Variants in PIN4 observed in about 807,000 individuals in gnomAD.
The protein encoded by PIN4 is peptidyl-prolyl cis-trans isomerase NIMA-interacting 4.
In PIN4, 3 loss-of-function variants were observed where a neutral mutation model predicts 8.3. The observed-to-expected ratio is 0.36, with a 90% CI of 0.16 to 0.93. PIN4 has a LOEUF of 0.93. PIN4 is among the 40% of genes least tolerant of loss of function. PIN4 has a pLI of 0.44. For synonymous variants in PIN4, 18 were observed against 32.5 expected, an observed-to-expected ratio of 0.55 and a Z score of 1.52; for missense variants, 75 against 100.6, an observed-to-expected ratio of 0.75 and a Z score of 1.09.
chrX:72,219,457 G>A (rs915309397), intron 3 of PIN4, among the ~76,000 whole-genome samples: 2 of 109,949 alleles, frequency 1.8e-5, no homozygotes, highest in Non-Finnish European at 3.8e-5. Flanking sequence ...AGGAGGCAGA[G>A]GCAGGAGAAT....
chrX:72,262,342 C>T (rs1392051474), intron 3 of PIN4, among the ~76,000 whole-genome samples: 3 of 112,165 alleles, frequency 2.7e-5, no homozygotes, highest in Non-Finnish European at 5.6e-5. Flanking sequence ...GGTCTGAGGC[C>T]CCGAGCCAAA....
At chrX:72,226,791 G>T (rs1017472954) in intron 3 of PIN4, among the ~76,000 whole-genome samples, 1 of 111,174 alleles carries the variant, frequency 9.0e-6, no homozygotes, top group Admixed American at 9.6e-5. Context: ...TCACAGCGGG[G>T]GCACAAGTCA....
chrX:72,249,897 T>A (rs1406262446), intron 3 of PIN4, among the ~76,000 whole-genome samples: 1 of 111,070 alleles, frequency 9.0e-6, no homozygotes, highest in Admixed American at 9.7e-5. Flanking sequence ...GTGGGTAAAT[T>A]ATGCCTAAAT....
chrX:72,210,243 AAATG>A (rs1382909074), intron 3 of PIN4, among the ~76,000 whole-genome samples: 11 of 106,753 alleles, frequency 1.0e-4, no homozygotes, highest in Non-Finnish European at 1.7e-4. Context: ...ATAAATAAAT[AAATG>A]GAAAAAAGAT....
intron 3 of PIN4, among the ~76,000 whole-genome samples, chrX:72,219,554 TATAA>T (rs980835074): frequency 2.9e-4 from 28 of 97,872 alleles, no homozygotes; most frequent in African/African-American, 9.8e-4. Context: ...CCTCAAAAAA[TATAA>T]ATAAATAGAC....
At chrX:72,223,585 C>T (rs755758991) in intron 3 of PIN4, among the ~76,000 whole-genome samples, 31 of 109,991 alleles carry the variant, frequency 2.8e-4, no homozygotes, top group South Asian at 1.2e-3. Context: ...GACGGGGTTT[C>T]GCCATGTTGG....
intron 3 of PIN4, among the ~76,000 whole-genome samples, chrX:72,241,253 G>T (rs926753372): frequency 9.0e-6 from 1 of 111,457 alleles, no homozygotes; most frequent in Non-Finnish European, 1.9e-5. Context: ...ATTGAGAGGC[G>T]GGGCCTTTTA....
intron 1 of PIN4, 34 bp from the exon 2 acceptor site, chrX:72,186,427 G>A: frequency 9.9e-7 from 1 of 1,012,908 alleles, no homozygotes; most frequent in Non-Finnish European, 1.4e-6. Context: ...TGGAGGTGCA[G>A]TTTAAATGAG....
In PIN4 at chrX:72,253,357, G is replaced by A. The variant is rs182395364; in HGVS notation, c.313-9350G>A. On this transcript the variant is annotated intron_variant, in intron 3 of 3. Transcript: ENST00000423432. ...ATTAGAAAATCAGGCCGGGCACGGT[G>A]GCTCACGCCTGTAATCCCAGCACTT... Among the ~76,000 whole-genome samples, 355 of 112,509 alleles carry A rather than the reference G, an allele frequency of 3.2e-3. 3 individuals are homozygous for A. The highest frequency in any genetic ancestry group is 0.01 in the African/African-American group (318 of 31,007).
At chrX:72,237,603 G>GAAAAAA (rs60931189) in intron 3 of PIN4, among the ~76,000 whole-genome samples, 5 of 91,037 alleles carry the variant, frequency 5.5e-5, no homozygotes, top group Non-Finnish European at 1.1e-4. Flanking sequence ...ATCAAAAAAA[G>GAAAAAA]AAAAAAAAAA....
intron 3 of PIN4, among the ~76,000 whole-genome samples, chrX:72,249,148 A>G (rs189528039): frequency 8.9e-6 from 1 of 112,581 alleles, no homozygotes; most frequent in Admixed American, 9.4e-5. Context: ...TATGAGCAAA[A>G]GAGTGGAACA....
chrX:72,186,253 G>A, intron 1 of PIN4: 1 of 468,968 alleles, frequency 2.1e-6, no homozygotes. Flanking sequence ...TATCATTAGT[G>A]TTAGCGTATT....
intron 3 of PIN4, among the ~76,000 whole-genome samples, chrX:72,248,291 GA>G (rs55908553): frequency 2.4e-4 from 13 of 54,900 alleles, no homozygotes; most frequent in African/African-American, 6.1e-4. Flanking sequence ...GCTCCATCCA[GA>G]AAAAAAAAAA....
intron 3 of PIN4, among the ~76,000 whole-genome samples, chrX:72,261,337 C>T (rs765461433): frequency 1.8e-5 from 2 of 109,441 alleles, no homozygotes; most frequent in Non-Finnish European, 1.9e-5. Context: ...GTGTCGACCC[C>T]CCTGTCCAGA....
Position 72,236,000 on chromosome X carries a change from G to A in PIN4, c.313-26707G>A, listed in dbSNP as rs542095206. ...AACTTCAAACTATGTAAGGAGAGAA[G>A]TGAGAACCTGAGGGGTGTGCAACAG... On this transcript the variant is annotated intron_variant, in intron 3 of 3. Coordinates refer to the PIN4 transcript ENST00000423432. 3.9e-4 allele frequency among the ~76,000 whole-genome samples: 44 copies of A among 112,496 alleles called. 1 individual carries two copies. In the South Asian group the frequency reaches 5.5e-3, roughly 14 times the overall value.
chrX:72,247,935 A>G (rs909208286), intron 3 of PIN4, among the ~76,000 whole-genome samples: 2 of 111,502 alleles, frequency 1.8e-5, no homozygotes, highest in African/African-American at 6.5e-5. Flanking sequence ...CATTGAGGGT[A>G]TGGCAAGTCC....
At chrX:72,199,894 C>T (rs2042783553), downstream of PIN4, among the ~76,000 whole-genome samples, 5 of 112,019 alleles carry the variant, frequency 4.5e-5, no homozygotes, top group Admixed American at 4.7e-4. Flanking sequence ...GGCCAGGCAG[C>T]GCGGCTGACG....
intron 3 of PIN4, chrX:72,205,685 A>C: frequency 8.3e-7 from 1 of 1,211,970 alleles, no homozygotes; most frequent in Non-Finnish European, 1.1e-6. Flanking sequence ...TCGCCATCTG[A>C]AACAATCCTT....
chrX:72,186,640 A>G (rs2042705229), intron 2 of PIN4, 106 bp downstream of exon 2: 1 of 543,843 alleles, frequency 1.8e-6, no homozygotes, highest in South Asian at 3.0e-5. Flanking sequence ...CTAGCCTAAC[A>G]CTGGTATAAA....
Sources: gnomAD v4.1 joint callset for allele counts (sites outside exome capture counted in the v4.1 genomes callset) on GRCh38, gnomAD v4.1.1 for gene constraint, MANE v1.5 for transcripts, NCBI Gene and HGNC (gene_info 2026-07-23, HGNC 2026-07-21) for gene names.